The following DOCK5 variants were observed in gnomAD, a reference collection of about 807,000 sequenced individuals.
The protein encoded by DOCK5 is dedicator of cytokinesis 5.
A neutral mutation model predicts 251.8 loss-of-function variants in DOCK5; 142 were observed. That is an observed-to-expected ratio of 0.56 (90% CI 0.49 to 0.65). DOCK5 has a LOEUF of 0.65. Among genes scored for constraint, DOCK5 ranks in the 30% least tolerant of loss-of-function variants. The pLI, the probability that DOCK5 is intolerant of heterozygous loss-of-function variation, is 0.00. For synonymous variants in DOCK5, 842 were observed against 835.5 expected (o/e 1.01, Z -0.13); for missense variants, 2,111 against 2,312.3 (o/e 0.91, Z 1.79).
intron 5 of DOCK5, among the ~76,000 whole-genome samples, chr8:25,279,356 A>G (rs1276285616): frequency 2.6e-5 from 4 of 152,252 alleles, no homozygotes; most frequent in Non-Finnish European, 1.5e-5. Context: ...AAGTAAATCT[A>G]GCATTTAACA....
chr8:25,292,213 A>G (rs373388832), intron 6 of DOCK5, 41 bp downstream of exon 6: 17 of 1,516,838 alleles, frequency 1.1e-5, no homozygotes, highest in Non-Finnish European at 1.5e-5. Flanking sequence ...AAACTTGGCG[A>G]ACAGTGGGCA....
At chr8:25,356,687 A>G (rs1335520611) in intron 27 of DOCK5, among the ~76,000 whole-genome samples, 1 of 151,744 alleles carries the variant, frequency 6.6e-6, no homozygotes, top group Non-Finnish European at 1.5e-5. Flanking sequence ...AAAGAAAATT[A>G]GTTAACAATT....
At chr8:25,185,820 TG>T (rs947181203) in intron 1 of DOCK5, among the ~76,000 whole-genome samples, 40 of 152,294 alleles carry the variant, frequency 2.6e-4, no homozygotes, top group African/African-American at 9.1e-4. Flanking sequence ...TTGACCCAGG[TG>T]GAAAGTCAGG....
At position 25,323,726 on chromosome 8, in the gene DOCK5, C is replaced by T. The variant is rs927801056; in HGVS notation, c.1616-122C>T. The T allele has an allele frequency of 3.6e-6, 4 of 1,099,078 alleles. No homozygotes were observed. In the African/African-American group the frequency reaches 4.7e-5, roughly 13 times the overall value. 68.1% of individuals were successfully genotyped at this position (1,099,078 alleles called of 1,614,324 possible). A position where few individuals can be genotyped will look rare whatever the true frequency, so the allele number is the denominator to read the frequency against. On this transcript the variant is annotated intron_variant, in intron 16 of 51. Coordinates refer to ENST00000276440, the MANE Select transcript of DOCK5 (RefSeq NM_024940.8). The stretch of plus-strand genomic sequence containing the variant: ...GGTACGTGGCTTATTGCAGTTTGCT[C>T]AGTTGTGCTTATTAGAATATGGTTG...
chr8:25,306,119 T>A (rs1030697313), intron 11 of DOCK5, among the ~76,000 whole-genome samples: 5 of 152,142 alleles, frequency 3.3e-5, no homozygotes, highest in African/African-American at 1.2e-4. Flanking sequence ...CACTCCATCC[T>A]GGGTGACAGA....
intron 38 of DOCK5, among the ~76,000 whole-genome samples, chr8:25,377,959 G>C (rs1395013424): frequency 6.6e-6 from 1 of 151,540 alleles, no homozygotes; most frequent in Non-Finnish European, 1.5e-5. Flanking sequence ...GCCCAGGCTG[G>C]TCTAGAACCT....
intron 34 of DOCK5, 113 bp from the exon 35 acceptor site, chr8:25,372,446 C>A: frequency 1.9e-6 from 2 of 1,078,088 alleles, no homozygotes; most frequent in Non-Finnish European, 1.3e-6. Context: ...CATTGACGTT[C>A]TGTGTCATCA....
intron 1 of DOCK5, among the ~76,000 whole-genome samples, chr8:25,195,913 A>G (rs1300059640): frequency 6.6e-6 from 1 of 152,218 alleles, no homozygotes; most frequent in Non-Finnish European, 1.5e-5. Flanking sequence ...TATATGCTGT[A>G]TGAATAAATG....
At chr8:25,238,840 T>C (rs1036325392) in intron 1 of DOCK5, among the ~76,000 whole-genome samples, 2 of 152,238 alleles carry the variant, frequency 1.3e-5, no homozygotes, top group African/African-American at 4.8e-5. Flanking sequence ...TATTATACCT[T>C]GAGTACTTTC....
intron 22 of DOCK5, among the ~76,000 whole-genome samples, chr8:25,338,455 CTATTTTTTA>C (rs1805869083): frequency 6.6e-6 from 1 of 152,082 alleles, no homozygotes; most frequent in South Asian, 2.1e-4. Context: ...TTTTTATTTG[CTATTTTTTA>C]TATTTTTTTG....
At chr8:25,277,494 T>C (rs1430804663) in intron 4 of DOCK5, 3 of 151,212 alleles carry the variant, frequency 2.0e-5, no homozygotes, top group Non-Finnish European at 4.4e-5. Flanking sequence ...GACTCCCAGA[T>C]ACAGCACAGG....
At chr8:25,241,056 C>T (rs2117540867) in intron 1 of DOCK5, among the ~76,000 whole-genome samples, 1 of 152,318 alleles carries the variant, frequency 6.6e-6, no homozygotes, top group South Asian at 2.1e-4. Context: ...TATGCGATTG[C>T]ATTTAAGGCC....
intron 18 of DOCK5, among the ~76,000 whole-genome samples, chr8:25,329,939 T>TA (rs1481385498): frequency 6.6e-6 from 1 of 152,206 alleles, no homozygotes; most frequent in African/African-American, 2.4e-5. Flanking sequence ...CTCCTGGCCC[T>TA]AAGACCTTAA....
intron 1 of DOCK5, among the ~76,000 whole-genome samples, chr8:25,193,381 CT>C (rs201838354): frequency 5.5e-3 from 786 of 142,268 alleles, no homozygotes; most frequent in African/African-American, 0.011. Flanking sequence ...CACATTACAG[CT>C]TTTTTTTTTT....
chr8:25,295,384 T>TTAA (rs1804592817), intron 6 of DOCK5, among the ~76,000 whole-genome samples: 1 of 143,544 alleles, frequency 7.0e-6, no homozygotes, highest in Non-Finnish European at 1.5e-5. Context: ...AGGCTGTCTC[T>TTAA]AAAAAAAATA....
intron 48 of DOCK5, among the ~76,000 whole-genome samples, chr8:25,406,355 G>A (rs986447804): frequency 1.3e-5 from 2 of 152,138 alleles, no homozygotes; most frequent in African/African-American, 4.8e-5. Context: ...GCATCATTAA[G>A]TATTTAAAAT....
intron 3 of DOCK5, chr8:25,271,167 T>TC: frequency 4.4e-6 from 1 of 228,330 alleles, no homozygotes; most frequent in South Asian, 1.8e-4. Context: ...ATTCTGGATT[T>TC]TTTTTAAATT....
At chr8:25,194,007 C>T (rs181771322) in intron 1 of DOCK5, among the ~76,000 whole-genome samples, 9 of 151,674 alleles carry the variant, frequency 5.9e-5, no homozygotes, top group East Asian at 1.9e-4. Context: ...TAATTGAAGC[C>T]GGGCATGGTG....
chr8:25,386,635 A>G (rs1423246793), intron 40 of DOCK5, among the ~76,000 whole-genome samples: 1 of 151,692 alleles, frequency 6.6e-6, no homozygotes, highest in Non-Finnish European at 1.5e-5. Context: ...TGTAGGGTCT[A>G]AATGCATCAG....
Sources: allele counts gnomAD v4.1 joint callset (sites outside exome capture counted in the v4.1 genomes callset), GRCh38; gene constraint gnomAD v4.1.1; transcripts MANE v1.5; gene names NCBI Gene and HGNC (gene_info 2026-07-23, HGNC 2026-07-21).